The following KCNH5 variants were observed in gnomAD, a reference collection of about 807,000 sequenced individuals.
KCNH5 encodes potassium voltage-gated channel subfamily H member 5, also known as voltage-gated delayed rectifier potassium channel KCNH5.
Under a neutral mutation model 96.1 loss-of-function variants are expected in KCNH5, and 46 were observed. That is an observed-to-expected ratio of 0.48 (90% CI 0.38 to 0.61). The LOEUF is 0.61. KCNH5 is among the 20% of genes least tolerant of loss of function. The pLI, the probability that KCNH5 is intolerant of heterozygous loss-of-function variation, is 0.00. For synonymous variants in KCNH5, 439 were observed against 449.8 expected (o/e 0.98, Z 0.30); for missense variants, 907 against 1,225.8 (o/e 0.74, Z 3.88).
At chr14:62,722,013 T>C (rs1344822132) in intron 10 of KCNH5, among the ~76,000 whole-genome samples, 1 of 152,232 alleles carries the variant, frequency 6.6e-6, no homozygotes, top group African/African-American at 2.4e-5. Context: ...CCAGTAGCAC[T>C]GGAATTGCCA....
At chr14:62,918,496 C>T (rs1366081227) in intron 7 of KCNH5, among the ~76,000 whole-genome samples, 2 of 151,920 alleles carry the variant, frequency 1.3e-5, no homozygotes, top group African/African-American at 2.4e-5. Context: ...AGGCTTATAT[C>T]GCTAATATGT....
Position 62,747,250 on chromosome 14 carries a change from G to A in KCNH5, c.2019+32478C>T, listed in dbSNP as rs969171569. Among the ~76,000 whole-genome samples the A allele has an allele frequency of 3.3e-5, 5 of 151,982 alleles. No individual in the cohort carries two copies. In the East Asian group the frequency reaches 5.8e-4, roughly 18 times the overall value. On this transcript the variant is annotated intron_variant, in intron 10 of 10. Coordinates refer to ENST00000322893, the MANE Select transcript of KCNH5 (RefSeq NM_139318.5). ...CTCAGGAGGCCAAGGCAGAAGAATC[G>A]CTTGAATTCGGTAGGTAGAGATTGC...
At chr14:62,855,811 A>G (rs897169694) in intron 7 of KCNH5, among the ~76,000 whole-genome samples, 1 of 152,166 alleles carries the variant, frequency 6.6e-6, no homozygotes, top group African/African-American at 2.4e-5. Context: ...AGATTGAACA[A>G]TGTTATAACT....
intron 7 of KCNH5, among the ~76,000 whole-genome samples, chr14:62,863,047 G>A (rs144012782): frequency 1.2e-4 from 18 of 152,120 alleles, no homozygotes; most frequent in Admixed American, 2.6e-4. Flanking sequence ...TGGTTATCCC[G>A]GGTCAAGAAA....
intron 7 of KCNH5, among the ~76,000 whole-genome samples, chr14:62,915,610 C>A (rs1889258078): frequency 1.3e-5 from 2 of 152,108 alleles, no homozygotes; most frequent in Admixed American, 6.5e-5. Context: ...CATAGCAGGA[C>A]CCCAATTTAC....
In KCNH5 at chr14:62,703,008, A is replaced by ACT. The variant is rs1261285465; in HGVS notation, c.*4498_*4499dup. The ACT allele has an allele frequency of 6.6e-6, 1 of 151,930 alleles. No individual in the cohort carries two copies. The highest frequency in any genetic ancestry group is 2.4e-5 in the African/African-American group (1 of 41,442). 9.4% of individuals were successfully genotyped at this position (151,930 alleles called of 1,614,324 possible). On this transcript the variant is annotated 3_prime_UTR_variant, in exon 11 of 11. Coordinates refer to ENST00000322893, the MANE Select transcript of KCNH5 (RefSeq NM_139318.5). ...TTTTGTTACATAGATACATTGGTGA[A>ACT]CTACTCTATACCTTGGCCACTTACC...
chr14:62,814,260 T>C (rs1184636770), intron 8 of KCNH5, among the ~76,000 whole-genome samples: 3 of 152,124 alleles, frequency 2.0e-5, no homozygotes, highest in Non-Finnish European at 2.9e-5. Context: ...CAAACAGCAA[T>C]TGTTACCATT....
rs1888727583 is a variant in KCNH5, at chr14:62,892,351, C to G, written c.1370-42499G>C. 2.0e-5 allele frequency among the ~76,000 whole-genome samples: 3 copies of G among 152,178 alleles called. No homozygotes were observed. The South Asian group carries it at 6.2e-4, about 31-fold the overall frequency. ...AGCCAGAGCAAGGCTCTAACTCTCC[C>G]CAATTGTATGAAGGCTGAAAGAGGT... On this transcript the variant is annotated intron_variant, in intron 7 of 10. Transcript: ENST00000322893.
At chr14:62,891,612 T>C (rs1888712916) in intron 7 of KCNH5, among the ~76,000 whole-genome samples, 1 of 152,126 alleles carries the variant, frequency 6.6e-6, no homozygotes, top group African/African-American at 2.4e-5. Context: ...TAACCCTATA[T>C]AGGCATACCT....
At chr14:62,842,888 T>C (rs1185867341) in intron 8 of KCNH5, among the ~76,000 whole-genome samples, 2 of 152,200 alleles carry the variant, frequency 1.3e-5, no homozygotes, top group Non-Finnish European at 2.9e-5. Context: ...TAAATACATA[T>C]ATGTAAATTG....
In KCNH5 at chr14:62,767,827, G is replaced by A. The variant is rs184734006; in HGVS notation, c.2019+11901C>T. Among the ~76,000 whole-genome samples the A allele has an allele frequency of 3.1e-4, 47 of 152,142 alleles. 3 individuals carry two copies. In the East Asian group the frequency reaches 8.5e-3, roughly 28 times the overall value. On this transcript the variant is annotated intron_variant, in intron 10 of 10. Coordinates refer to ENST00000322893, the MANE Select transcript of KCNH5 (RefSeq NM_139318.5). ...CCGAACCTAAAATAAAAGTCAATAA[G>A]ATAAACAAAATGTGATATGTATACA... is the stretch of plus-strand genomic sequence containing the variant.
At chr14:62,719,248 A>C (rs1263403140) in intron 10 of KCNH5, among the ~76,000 whole-genome samples, 1 of 152,232 alleles carries the variant, frequency 6.6e-6, no homozygotes, top group Non-Finnish European at 1.5e-5. Flanking sequence ...CCTTGTTCAA[A>C]ATTATGAAGA....
chr14:63,036,120 T>C (rs1891716624), intron 1 of KCNH5, among the ~76,000 whole-genome samples: 1 of 152,226 alleles, frequency 6.6e-6, no homozygotes, highest in Non-Finnish European at 1.5e-5. Flanking sequence ...GAAGCTGTTT[T>C]AGGAACGAGC....
At chr14:63,017,767 A>AT (rs1444186467) in intron 1 of KCNH5, among the ~76,000 whole-genome samples, 1 of 151,572 alleles carries the variant, frequency 6.6e-6, no homozygotes, top group African/African-American at 2.4e-5. Flanking sequence ...AAAAGTAAAA[A>AT]TTTTTAAAGC....
intron 1 of KCNH5, among the ~76,000 whole-genome samples, chr14:63,044,691 C>T (rs1891888848): frequency 6.6e-6 from 1 of 152,224 alleles, no homozygotes; most frequent in Admixed American, 6.5e-5. Context: ...GCCACTTTCG[C>T]AGCCATTCCC....
intron 8 of KCNH5, among the ~76,000 whole-genome samples, chr14:62,833,549 G>C (rs1390009474): frequency 1.3e-5 from 2 of 151,926 alleles, no homozygotes; most frequent in Non-Finnish European, 1.5e-5. Context: ...AAAATATTTT[G>C]AAATCAGTAA....
intron 7 of KCNH5, among the ~76,000 whole-genome samples, chr14:62,948,985 A>G: frequency 6.6e-6 from 1 of 151,058 alleles, no homozygotes; most frequent in East Asian, 1.9e-4. Flanking sequence ...ACTCTCAATA[A>G]ATTAGGTATT....
At chr14:62,849,541 AC>A in intron 8 of KCNH5, 111 bp downstream of exon 8, 1 of 814,118 alleles carries the variant, frequency 1.2e-6, no homozygotes. Flanking sequence ...ACTTACAAAT[AC>A]AGAATAACAG....
chr14:62,800,044 TTCC>T (rs1370193177), intron 9 of KCNH5, among the ~76,000 whole-genome samples: 1 of 151,444 alleles, frequency 6.6e-6, no homozygotes, highest in Non-Finnish European at 1.5e-5. Flanking sequence ...AGTTACTATT[TTCC>T]TCCTCCTTTC....
Sources: gnomAD v4.1 joint callset for allele counts (sites outside exome capture counted in the v4.1 genomes callset) on GRCh38, gnomAD v4.1.1 for gene constraint, MANE v1.5 for transcripts, NCBI Gene and HGNC (gene_info 2026-07-23, HGNC 2026-07-21) for gene names.